Variants in CSMD1 observed in about 807,000 individuals in gnomAD.
The protein encoded by CSMD1 is CUB and sushi domain-containing protein 1.
CSMD1 carries 213 observed loss-of-function variants against 417.5 expected under a neutral mutation model. That is an observed-to-expected ratio of 0.51 (90% CI 0.46 to 0.57). CSMD1 has a LOEUF of 0.57. Among genes scored for constraint, CSMD1 ranks in the 20% least tolerant of loss-of-function variants. The pLI, the probability that CSMD1 is intolerant of heterozygous loss-of-function variation, is 0.00. For synonymous variants in CSMD1, 2,862 were observed against 1,736.8 expected (o/e 1.65, Z -16.11); for missense variants, 6,923 against 4,529.7 (o/e 1.53, Z -15.17).
intron 1 of CSMD1, among the ~76,000 whole-genome samples, chr8:4,684,914 A>G (rs1294590073): frequency 6.6e-6 from 1 of 152,202 alleles, no homozygotes; most frequent in Admixed American, 6.5e-5. Context: ...TGTAAAATTC[A>G]CTAATAATCT....
chr8:4,702,795 AAAT>A (rs1807664178), intron 1 of CSMD1, among the ~76,000 whole-genome samples: 1 of 152,186 alleles, frequency 6.6e-6, no homozygotes, highest in East Asian at 1.9e-4. Context: ...GTAGCAAAAT[AAAT>A]AATAATAGCG....
chr8:4,731,195 C>G (rs545355801), intron 1 of CSMD1, among the ~76,000 whole-genome samples: 10 of 152,288 alleles, frequency 6.6e-5, no homozygotes, highest in African/African-American at 2.4e-4. Context: ...AATTCCACTA[C>G]TGTTTGGAAG....
At chr8:4,246,590 A>G (rs1393685724) in intron 3 of CSMD1, among the ~76,000 whole-genome samples, 1 of 152,202 alleles carries the variant, frequency 6.6e-6, no homozygotes, top group Non-Finnish European at 1.5e-5. Flanking sequence ...ATTCTCCTGT[A>G]GAATTTGATA....
intron 11 of CSMD1, among the ~76,000 whole-genome samples, chr8:3,476,842 T>G (rs1817456071): frequency 1.4e-5 from 2 of 144,342 alleles, no homozygotes; most frequent in African/African-American, 2.6e-5. Flanking sequence ...GGCTTGAACC[T>G]GGGAAGCAGA....
chr8:4,455,733 C>A (rs1799427254), intron 2 of CSMD1, among the ~76,000 whole-genome samples: 1 of 151,482 alleles, frequency 6.6e-6, no homozygotes, highest in East Asian at 1.9e-4. Flanking sequence ...GAGTTCAAGA[C>A]CAGCCTGGCC....
chr8:4,453,216 G>GACACAC (rs71207090), intron 2 of CSMD1, among the ~76,000 whole-genome samples: 324 of 149,210 alleles, frequency 2.2e-3, no homozygotes, highest in South Asian at 3.2e-3. Context: ...CACACACAGA[G>GACACAC]ACACACACAC....
intron 1 of CSMD1, among the ~76,000 whole-genome samples, chr8:4,874,303 C>G (rs542408374): frequency 2.6e-5 from 4 of 151,488 alleles, no homozygotes; most frequent in East Asian, 3.9e-4. Context: ...TTCTATTTAT[C>G]AATTAGTTTA....
chr8:4,161,674 T>G (rs1182888429), intron 3 of CSMD1, among the ~76,000 whole-genome samples: 1 of 152,178 alleles, frequency 6.6e-6, no homozygotes, highest in Non-Finnish European at 1.5e-5. Context: ...CCATAAAAAT[T>G]ATTACAATTT....
intron 50 of CSMD1, among the ~76,000 whole-genome samples, chr8:3,034,216 A>T (rs1204492245): frequency 6.6e-6 from 1 of 152,246 alleles, no homozygotes; most frequent in Non-Finnish European, 1.5e-5. Flanking sequence ...GAATGAAGAA[A>T]AAGATTTGAT....
chr8:4,090,339 A>C (rs4875270), intron 3 of CSMD1, among the ~76,000 whole-genome samples: 1 of 152,232 alleles, frequency 6.6e-6, no homozygotes, highest in Non-Finnish European at 1.5e-5. Context: ...AACATGAGTC[A>C]TTATCTATCA....
intron 3 of CSMD1, among the ~76,000 whole-genome samples, chr8:4,086,372 GC>G (rs1368290487): frequency 6.6e-6 from 1 of 152,072 alleles, no homozygotes; most frequent in Non-Finnish European, 1.5e-5. Flanking sequence ...AAATTTGAAA[GC>G]AAAACAAAAT....
intron 12 of CSMD1, among the ~76,000 whole-genome samples, chr8:3,437,635 G>C (rs1409762550): frequency 6.6e-6 from 1 of 152,162 alleles, no homozygotes; most frequent in Non-Finnish European, 1.5e-5. Context: ...ATAGAAGATG[G>C]TTGTGATTAT....
chr8:4,033,172 A>G (rs998088483), intron 3 of CSMD1, among the ~76,000 whole-genome samples: 3 of 145,764 alleles, frequency 2.1e-5, no homozygotes, highest in Non-Finnish European at 4.5e-5. Flanking sequence ...CAGGCACGGT[A>G]GCTCACGCCT....
intron 4 of CSMD1, among the ~76,000 whole-genome samples, chr8:3,999,655 G>A (rs559134317): frequency 2.0e-5 from 3 of 152,192 alleles, no homozygotes; most frequent in South Asian, 2.1e-4. Flanking sequence ...TCCTTCCTAC[G>A]GGATGCCAGG....
chr8:4,445,640 G>C (rs868327600), intron 2 of CSMD1, among the ~76,000 whole-genome samples: 10 of 152,108 alleles, frequency 6.6e-5, no homozygotes, highest in Non-Finnish European at 8.8e-5. Flanking sequence ...TGTGTTCCTA[G>C]GAAAGTAAGG....
chr8:3,299,732 A>C (rs1283554967), intron 25 of CSMD1, among the ~76,000 whole-genome samples: 1 of 152,204 alleles, frequency 6.6e-6, no homozygotes, highest in African/African-American at 2.4e-5. Flanking sequence ...TCACTAACCA[A>C]ATGTATTCAC....
intron 12 of CSMD1, among the ~76,000 whole-genome samples, chr8:3,442,145 G>C (rs1489382581): frequency 6.6e-6 from 1 of 151,592 alleles, no homozygotes; most frequent in Non-Finnish European, 1.5e-5. Flanking sequence ...TTGTGCAACT[G>C]TACAATGTGT....
chr8:3,432,541 C>G (rs972228705), intron 12 of CSMD1, among the ~76,000 whole-genome samples: 9 of 119,952 alleles, frequency 7.5e-5, no homozygotes, highest in Non-Finnish European at 1.5e-4. Flanking sequence ...GATGGAGTCT[C>G]ACTTTGTCAC....
intron 2 of CSMD1, among the ~76,000 whole-genome samples, chr8:4,589,918 G>A (rs1799899869): frequency 6.6e-6 from 1 of 152,114 alleles, no homozygotes. Flanking sequence ...AGAATATGTG[G>A]CTTTTGTCTA....
Sources: allele counts gnomAD v4.1 joint callset (sites outside exome capture counted in the v4.1 genomes callset), GRCh38; gene constraint gnomAD v4.1.1; transcripts MANE v1.5; gene names NCBI Gene and HGNC (gene_info 2026-07-23, HGNC 2026-07-21).